TADA2A: variants seen among roughly 807,000 people sequenced by gnomAD.
TADA2A encodes transcriptional adapter 2-alpha.
In TADA2A, 38 loss-of-function variants were observed where a neutral mutation model predicts 67.4. The observed-to-expected ratio is 0.56, with a 90% CI of 0.44 to 0.74. TADA2A has a LOEUF of 0.74. Ranked by LOEUF, TADA2A falls within the 30% of genes least tolerant of loss-of-function variation. The pLI is 0.00. For missense variants in TADA2A, 454 were observed against 547.0 expected (o/e 0.83, Z 1.70); for synonymous variants, 192 against 181.6 (o/e 1.06, Z -0.46).
chr17:37,465,260 T>C (rs1363811551), intron 10 of TADA2A, among the ~76,000 whole-genome samples, 171 bp from the exon 11 acceptor site: 1 of 152,098 alleles, frequency 6.6e-6, no homozygotes, highest in Non-Finnish European at 1.5e-5. Context: ...TCATTATGAT[T>C]AGTGTTTTGC....
At chr17:37,410,492 G>A (rs1252334829) in intron 1 of TADA2A, among the ~76,000 whole-genome samples, 1 of 152,058 alleles carries the variant, frequency 6.6e-6, no homozygotes, top group Non-Finnish European at 1.5e-5. Context: ...CGTACTTGTT[G>A]AAAGAGTGAG....
chr17:37,428,079 G>A (rs1239716576), intron 4 of TADA2A, among the ~76,000 whole-genome samples: 3 of 152,166 alleles, frequency 2.0e-5, no homozygotes, highest in Admixed American at 6.5e-5. Context: ...CCCCCATGCA[G>A]TTGTTCTTAC....
chr17:37,411,856 A>G (rs2051883803), intron 2 of TADA2A, among the ~76,000 whole-genome samples: 2 of 90,928 alleles, frequency 2.2e-5, no homozygotes, highest in South Asian at 6.4e-4. Flanking sequence ...AATAAAATCA[A>G]TTAATACATA....
At chr17:37,447,633 C>T (rs879877212) in intron 8 of TADA2A, among the ~76,000 whole-genome samples, 1 of 152,130 alleles carries the variant, frequency 6.6e-6, no homozygotes, top group East Asian at 1.9e-4. Context: ...AAGATGATAA[C>T]AGTTTAAAGA....
chr17:37,429,180 ACCTCAAC>A (rs2052499490), intron 4 of TADA2A, among the ~76,000 whole-genome samples: 1 of 151,994 alleles, frequency 6.6e-6, no homozygotes, highest in African/African-American at 2.4e-5. Context: ...TGATCCTCCC[ACCTCAAC>A]CCTCAACCTC....
At chr17:37,407,705 C>T (rs2051645983) in intron 1 of TADA2A, among the ~76,000 whole-genome samples, 1 of 152,088 alleles carries the variant, frequency 6.6e-6, no homozygotes, top group Non-Finnish European at 1.5e-5. Context: ...CTCCGCCTCC[C>T]AGGCTCAAGC....
Position 37,444,755 on chromosome 17 carries a change from G to A in TADA2A, c.591G>A (p.Ser197=), listed in dbSNP as rs148661084. The A allele has an allele frequency of 4.5e-5, 72 of 1,613,932 alleles. No individual in the cohort carries two copies. The highest frequency in any genetic ancestry group is 2.8e-4 in the Admixed American group (17 of 59,984). ...ACATTGATTTTGTTGAAGATGACTCGGACATTTTACATGGTAACAGTTTAT... is the reference window on the plus strand; with the variant it reads ...ACATTGATTTTGTTGAAGATGACTCAGACATTTTACATGGTAACAGTTTAT... ...LRDIDFVEDD[S]DILHALKMAV... is the part of the protein sequence containing the mutation. The change falls in exon 8 of 16, where the codon TCG becomes TCA. Residue 197 remains serine, a synonymous_variant. Coordinates refer to ENST00000615182, the MANE Select transcript of TADA2A (RefSeq NM_001166105.3).
In TADA2A at chr17:37,427,027, G is replaced by A; in HGVS notation, c.192+18G>A. ...AAATAATGGTAATGATGAAGTTGCT[G>A]GGAATTTCTGTTCACTTTTTTTAAG... On this transcript the variant is annotated intron_variant, in intron 4 of 15. Coordinates refer to ENST00000615182, the MANE Select transcript of TADA2A (RefSeq NM_001166105.3). The A allele has an allele frequency of 3.8e-6, 6 of 1,558,642 alleles. No homozygotes were observed. Among genetic ancestry groups the A allele is most frequent in the African/African-American group, 1.4e-5 (1 of 72,800 alleles).
intron 10 of TADA2A, among the ~76,000 whole-genome samples, chr17:37,463,544 G>A (rs1424176908): frequency 2.6e-5 from 4 of 151,932 alleles, no homozygotes; most frequent in African/African-American, 9.7e-5. Flanking sequence ...GTTCAAGGCT[G>A]CAGTGAGCTA....
chr17:37,415,899 A>G lies in TADA2A; in HGVS notation c.25+4509A>G, dbSNP rs544317184. Among the ~76,000 whole-genome samples, 12 of 148,552 alleles carry G rather than the reference A, an allele frequency of 8.1e-5. No individual in the cohort carries two copies. In the Admixed American group the frequency reaches 8.1e-4, roughly 10 times the overall value. On this transcript the variant is annotated intron_variant, in intron 2 of 15. Transcript: ENST00000615182. ...CAAAAAAAAAAAAAAAAAAGTGTCTATATTCCCACAGCCTGACTAATTATA... is the reference window on the plus strand; with the variant it reads ...CAAAAAAAAAAAAAAAAAAGTGTCTGTATTCCCACAGCCTGACTAATTATA...
At chr17:37,407,256 A>G (rs1227486661) in intron 1 of TADA2A, 1 of 152,390 alleles carries the variant, frequency 6.6e-6, no homozygotes, top group Non-Finnish European at 1.5e-5. Context: ...GCGTAGCTCT[A>G]CCAAGAATGG....
chr17:37,451,243 G>A (rs1428359381), intron 8 of TADA2A, among the ~76,000 whole-genome samples: 2 of 151,766 alleles, frequency 1.3e-5, no homozygotes, highest in African/African-American at 2.4e-5. Context: ...TGTTACCCAG[G>A]CTGGTCTCAA....
intron 8 of TADA2A, among the ~76,000 whole-genome samples, chr17:37,446,102 G>GT (rs1568162360): frequency 1.0e-4 from 12 of 119,552 alleles, no homozygotes; most frequent in African/African-American, 3.1e-4. Flanking sequence ...TTTTTGGGGG[G>GT]GTTTTTTTTT....
intron 7 of TADA2A, among the ~76,000 whole-genome samples, chr17:37,443,532 G>A (rs983894168): frequency 6.6e-6 from 1 of 152,158 alleles, no homozygotes; most frequent in Non-Finnish European, 1.5e-5. Flanking sequence ...AGGATTACAG[G>A]CGTGAGCCAC....
At position 37,474,602 on chromosome 17, in the gene TADA2A, A is replaced by G. The variant is rs2053855603; in HGVS notation, c.1119A>G (p.Thr373=). 1.9e-6 allele frequency: 3 copies of G among 1,613,410 alleles called. No individual in the cohort carries two copies. Among genetic ancestry groups the G allele is most frequent in the African/African-American group, 1.3e-5 (1 of 74,942 alleles). The change falls in exon 15 of 16, where the codon ACA becomes ACG. Residue 373 remains threonine, a synonymous_variant. Coordinates refer to ENST00000615182, the MANE Select transcript of TADA2A (RefSeq NM_001166105.3). ...PPLNLTGLPG[T]EKLNEKEKEL... is the part of the protein sequence containing the mutation. ...TGAACCTCACTGGCCTCCCTGGCAC[A>G]GAGAAGCTGAATGAAAAAGAAAAGG...
At chr17:37,421,414 A>G (rs2147920521) in intron 2 of TADA2A, among the ~76,000 whole-genome samples, 1 of 146,616 alleles carries the variant, frequency 6.8e-6, no homozygotes, top group Non-Finnish European at 1.5e-5. Context: ...GTCTCAAGAA[A>G]AAAAAGAAAA....
Position 37,426,959 on chromosome 17 carries a change from C to T in TADA2A, c.142C>T (p.Arg48Ter), listed in dbSNP as rs759757775. 8 of 1,597,668 alleles carry T rather than the reference C, an allele frequency of 5.0e-6. No individual in the cohort carries two copies. The highest frequency in any genetic ancestry group is 1.7e-4 in the Middle Eastern group (1 of 6,044). ...PFFLCLQCFT[R>*]GFEYKKHQSD... ...TTTTCTTTCTTTGCAGTGTTTCACT[C>T]GAGGCTTTGAGTACAAGAAACATCA... The change falls in exon 4 of 16, where the codon CGA becomes TGA. Residue 48 changes from arginine to a stop codon, truncating the protein, a stop_gained. Transcript: ENST00000615182. LOFTEE classifies it high-confidence loss of function.
At chr17:37,436,868 G>A (rs548950989) in intron 4 of TADA2A, among the ~76,000 whole-genome samples, 35 of 150,908 alleles carry the variant, frequency 2.3e-4, no homozygotes, top group Non-Finnish European at 3.1e-4. Flanking sequence ...AAATGGGAGC[G>A]TACTGAAATA....
intron 2 of TADA2A, among the ~76,000 whole-genome samples, chr17:37,417,917 CAA>C (rs1184767946): frequency 3.3e-5 from 5 of 152,036 alleles, no homozygotes; most frequent in Non-Finnish European, 1.5e-5. Context: ...TATGGTAAAA[CAA>C]TGCAATTTAT....
Sources: gnomAD v4.1 joint callset for allele counts (sites outside exome capture counted in the v4.1 genomes callset) on GRCh38, gnomAD v4.1.1 for gene constraint, MANE v1.5 for transcripts, NCBI Gene and HGNC (gene_info 2026-07-23, HGNC 2026-07-21) for gene names.